ITGBL1: variants seen among roughly 807,000 people sequenced by gnomAD.
ITGBL1 encodes the protein integrin subunit beta like 1.
A neutral mutation model predicts 68.5 loss-of-function variants in ITGBL1; 51 were observed. The ratio of observed to expected loss-of-function variants is 0.74; its 90% CI spans 0.59 to 0.94. ITGBL1 has a LOEUF of 0.94. Among genes scored for constraint, ITGBL1 ranks in the 40% least tolerant of loss-of-function variants. ITGBL1 has a pLI of 0.00. For missense variants in ITGBL1, 649 were observed against 647.4 expected (o/e 1.00, Z -0.03); for synonymous variants, 209 against 227.3 (o/e 0.92, Z 0.72).
rs528178383 is a variant in ITGBL1 at position 101,579,113 on chromosome 13, A to G, written c.587-174A>G. On this transcript the variant is annotated intron_variant, in intron 4 of 10. Transcript: ENST00000376180. ...TCTTTTTGTATGATTAAGCAGGTAT[A>G]GGCACAACCATGATGTGTTTGGAGA... is the stretch of plus-strand genomic sequence containing the variant. Among the ~76,000 whole-genome samples the G allele has an allele frequency of 2.0e-5, 3 of 152,348 alleles. No homozygotes were observed. The South Asian group carries it at 6.2e-4, about 32-fold the overall frequency.
chr13:101,519,239 G>T (rs754739190), intron 2 of ITGBL1, among the ~76,000 whole-genome samples: 1 of 152,182 alleles, frequency 6.6e-6, no homozygotes, highest in East Asian at 1.9e-4. Flanking sequence ...TGCACTAAGG[G>T]CACCATAGTC....
Position 101,677,129 on chromosome 13 carries a change from A to G in ITGBL1, c.1016-15456A>G, listed in dbSNP as rs151108983. Among the ~76,000 whole-genome samples, 24 of 152,290 alleles carry G rather than the reference A, an allele frequency of 1.6e-4. No individual in the cohort carries two copies. In the East Asian group the frequency reaches 3.9e-3, roughly 24 times the overall value. On this transcript the variant is annotated intron_variant, in intron 7 of 10. Transcript: ENST00000376180. Reference sequence around the variant, plus strand: ...ACAGAGCGAGACTCTCTTTCTAAATATATAAATACATAAATAATTAGCACT... The same window carrying G: ...ACAGAGCGAGACTCTCTTTCTAAATGTATAAATACATAAATAATTAGCACT...
At chr13:101,581,836 C>T (rs554930385) in intron 5 of ITGBL1, among the ~76,000 whole-genome samples, 1 of 152,230 alleles carries the variant, frequency 6.6e-6, no homozygotes, top group African/African-American at 2.4e-5. Flanking sequence ...ATAAAAAGTA[C>T]ATATTGCAAA....
intron 2 of ITGBL1, among the ~76,000 whole-genome samples, chr13:101,499,191 A>G (rs1313261887): frequency 6.6e-6 from 1 of 152,176 alleles, no homozygotes; most frequent in Non-Finnish European, 1.5e-5. Context: ...TTTCCTGGCT[A>G]TCTGCAAAAA....
At chr13:101,464,926 G>A (rs1284865046) in intron 2 of ITGBL1, among the ~76,000 whole-genome samples, 1 of 152,170 alleles carries the variant, frequency 6.6e-6, no homozygotes, top group Non-Finnish European at 1.5e-5. Context: ...AAGGTTGCTT[G>A]GGATTGATGC....
chr13:101,677,330 T>C (rs563075818), intron 7 of ITGBL1, among the ~76,000 whole-genome samples: 1 of 151,264 alleles, frequency 6.6e-6, no homozygotes, highest in African/African-American at 2.4e-5. Context: ...TTTTACTCTT[T>C]AGGTTATATA....
chr13:101,516,538 C>A (rs1447373655), intron 2 of ITGBL1, among the ~76,000 whole-genome samples: 1 of 152,074 alleles, frequency 6.6e-6, no homozygotes, highest in Non-Finnish European at 1.5e-5. Context: ...TAATTGACTG[C>A]ATTTTAAAAA....
intron 7 of ITGBL1, among the ~76,000 whole-genome samples, chr13:101,632,147 CTCTATA>C (rs1473149819): frequency 0.015 from 2,062 of 140,992 alleles, 37 homozygotes; most frequent in African/African-American, 0.054. Context: ...CTCTCTCTCT[CTCTATA>C]TATATATATA....
At chr13:101,631,393 A>G (rs1161564258) in intron 7 of ITGBL1, among the ~76,000 whole-genome samples, 1 of 151,128 alleles carries the variant, frequency 6.6e-6, no homozygotes, top group Non-Finnish European at 1.5e-5. Context: ...TTTTTTTTGC[A>G]ATGTAAAAAT....
At chr13:101,628,840 G>A (rs1181912366) in intron 7 of ITGBL1, among the ~76,000 whole-genome samples, 2 of 151,832 alleles carry the variant, frequency 1.3e-5, no homozygotes, top group African/African-American at 4.8e-5. Flanking sequence ...GTTGATTAGA[G>A]TAAGAGGCAA....
intron 2 of ITGBL1, among the ~76,000 whole-genome samples, chr13:101,526,078 A>G (rs150222254): frequency 1.5e-3 from 224 of 152,060 alleles, no homozygotes; most frequent in African/African-American, 4.9e-3. Flanking sequence ...TCTGCCTTCA[A>G]ATACAAACAT....
At chr13:101,597,553 G>GT (rs538308669) in intron 6 of ITGBL1, among the ~76,000 whole-genome samples, 78 of 148,216 alleles carry the variant, frequency 5.3e-4, no homozygotes, top group Admixed American at 4.0e-3. Flanking sequence ...TGTTTTTTTT[G>GT]TTTTTTTGTT....
rs1242286072 is a variant in ITGBL1 at position 101,715,574 on chromosome 13, T to C, written c.1405T>C (p.Cys469Arg). 1.2e-6 allele frequency: 2 copies of C among 1,611,842 alleles called. No homozygotes were observed. Among genetic ancestry groups the C allele is most frequent in the Non-Finnish European group, 1.7e-6 (2 of 1,177,968 alleles). Residue 469 changes from cysteine to arginine, a missense_variant, in exon 11 of 11, where the codon TGT becomes CGT. Coordinates refer to ENST00000376180, the MANE Select transcript of ITGBL1 (RefSeq NM_004791.3). ...DGLICTGNGI[C>R]SCGNCECWDG... ...GTATTTTATTGCAGGGAATGGAATATGTAGCTGTGGAAACTGTGAATGCTG... is the reference window on the plus strand; with the variant it reads ...GTATTTTATTGCAGGGAATGGAATACGTAGCTGTGGAAACTGTGAATGCTG...
rs192424577 is a variant in ITGBL1 at position 101,592,409 on chromosome 13, C to T, written c.869-5744C>T. 1.4e-4 allele frequency among the ~76,000 whole-genome samples: 22 copies of T among 152,046 alleles called. No homozygotes were observed. In the East Asian group the frequency reaches 3.7e-3, roughly 25 times the overall value. ...GAAATTAAGAAAACAATTTTATCTGCGGTCGTGTCAAAAATAATATACTTA... is the reference window on the plus strand; with the variant it reads ...GAAATTAAGAAAACAATTTTATCTGTGGTCGTGTCAAAAATAATATACTTA... On this transcript the variant is annotated intron_variant, in intron 6 of 10. Transcript: ENST00000376180.
intron 2 of ITGBL1, among the ~76,000 whole-genome samples, chr13:101,562,833 C>G (rs909975065): frequency 6.6e-6 from 1 of 151,692 alleles, no homozygotes; most frequent in Non-Finnish European, 1.5e-5. Context: ...ATTTATAGAA[C>G]AGCAGAAGAT....
At chr13:101,676,404 G>T (rs1054874218) in intron 7 of ITGBL1, among the ~76,000 whole-genome samples, 2 of 152,020 alleles carry the variant, frequency 1.3e-5, no homozygotes, top group Non-Finnish European at 1.5e-5. Flanking sequence ...GAAAATCTGT[G>T]GTGTTTATGG....
At chr13:101,505,489 C>G (rs1473252118) in intron 2 of ITGBL1, among the ~76,000 whole-genome samples, 1 of 152,104 alleles carries the variant, frequency 6.6e-6, no homozygotes, top group East Asian at 1.9e-4. Flanking sequence ...CTAACTCCGC[C>G]TGGAGGATTT....
intron 7 of ITGBL1, among the ~76,000 whole-genome samples, chr13:101,601,872 G>A (rs1033888924): frequency 2.0e-5 from 3 of 151,908 alleles, no homozygotes; most frequent in African/African-American, 7.3e-5. Flanking sequence ...GGTCAATTTT[G>A]GAATAGGTGT....
chr13:101,517,519 T>A (rs2049214778), intron 2 of ITGBL1, among the ~76,000 whole-genome samples: 1 of 152,162 alleles, frequency 6.6e-6, no homozygotes, highest in Admixed American at 6.6e-5. Flanking sequence ...TTGTAAGCTC[T>A]CTCTCATGAC....
Sources: gnomAD v4.1 joint callset for allele counts (sites outside exome capture counted in the v4.1 genomes callset) on GRCh38, gnomAD v4.1.1 for gene constraint, MANE v1.5 for transcripts, NCBI Gene and HGNC (gene_info 2026-07-23, HGNC 2026-07-21) for gene names.